SLC9A3: variants seen among roughly 807,000 people sequenced by gnomAD.
SLC9A3 encodes sodium/hydrogen exchanger 3.
SLC9A3 carries 37 observed loss-of-function variants against 86.8 expected under a neutral mutation model. That is an observed-to-expected ratio of 0.43 (90% CI 0.33 to 0.56). SLC9A3 has a LOEUF of 0.56. SLC9A3 is among the 20% of genes least tolerant of loss of function. The probability of loss-of-function intolerance (pLI) is 0.06; values close to 1 mark genes in which losing one functional copy is unlikely to be tolerated. For synonymous variants in SLC9A3, 581 were observed against 528.3 expected (o/e 1.10, Z -1.37); for missense variants, 1,011 against 1,171.9 (o/e 0.86, Z 2.00).
intron 6 of SLC9A3, 67 bp from the exon 7 acceptor site, chr5:482,817 C>A (rs532967770): frequency 1.5e-6 from 2 of 1,300,910 alleles, no homozygotes; most frequent in Non-Finnish European, 1.1e-6. Flanking sequence ...CCAGCCCCTC[C>A]GGGACAGCGT....
chr5:521,407 G>A (rs1733882212), intron 1 of SLC9A3, among the ~76,000 whole-genome samples: 2 of 152,240 alleles, frequency 1.3e-5, no homozygotes, highest in African/African-American at 4.8e-5. Context: ...CAACATTGCT[G>A]TGGGTTTCAG....
rs562717903 is a variant in SLC9A3, at chr5:481,985, A to C, written c.1446+83T>G. ...CCCTCCGCCACCCCCCAAGCCCCAGACCAACGCAGCCTCCTCTCCCCTCTC... is the reference window on the plus strand; with the variant it reads ...CCCTCCGCCACCCCCCAAGCCCCAGCCCAACGCAGCCTCCTCTCCCCTCTC... On this transcript the variant is annotated intron_variant, in intron 8 of 16. Transcript: ENST00000264938. 4.6e-5 allele frequency: 11 copies of C among 236,670 alleles called. No individual in the cohort carries two copies. The African/African-American group carries it at 8.2e-4, about 18-fold the overall frequency. 14.7% of individuals were successfully genotyped at this position (236,670 alleles called of 1,614,324 possible).
chr5:499,962 G>A (rs1269811244), intron 1 of SLC9A3, among the ~76,000 whole-genome samples: 5 of 152,346 alleles, frequency 3.3e-5, no homozygotes, highest in South Asian at 4.1e-4. Flanking sequence ...GGGCCCCGTC[G>A]GAGCCACCAC....
chr5:491,328 C>T lies in SLC9A3; in HGVS notation c.514+441G>A, dbSNP rs962758713. ...GAGATGAAGCATCCAAGACCAAAAC[C>T]GCGCAGCAGTTCTGGCTCCGGCTGT... is the stretch of plus-strand genomic sequence containing the variant. On this transcript the variant is annotated intron_variant, in intron 2 of 16. Coordinates refer to ENST00000264938, the MANE Select transcript of SLC9A3 (RefSeq NM_004174.4). The surrounding 1 kb of genome is among the most constrained non-coding windows in gnomAD (Gnocchi z 9.2). Among the ~76,000 whole-genome samples the T allele has an allele frequency of 8.5e-5, 13 of 152,184 alleles. No homozygotes were observed. The highest frequency in any genetic ancestry group is 2.2e-4 in the African/African-American group (9 of 41,446).
chr5:519,879 T>C (rs898203627), intron 1 of SLC9A3, among the ~76,000 whole-genome samples: 1 of 152,066 alleles, frequency 6.6e-6, no homozygotes, highest in African/African-American at 2.4e-5. Context: ...CTCCTGACCC[T>C]GTGCCCTAGC....
At chr5:519,948 C>T (rs1343863660) in intron 1 of SLC9A3, among the ~76,000 whole-genome samples, 9 of 152,216 alleles carry the variant, frequency 5.9e-5, no homozygotes, top group Non-Finnish European at 1.3e-4. Flanking sequence ...ACCCGTCTCG[C>T]TCCTGCCTGC....
chr5:515,185 A>G (rs551172241), intron 1 of SLC9A3, among the ~76,000 whole-genome samples: 1 of 151,984 alleles, frequency 6.6e-6, no homozygotes, highest in East Asian at 1.9e-4. Context: ...CCATGCCATC[A>G]GCCTGGAGTC....
At chr5:484,450 G>C in intron 5 of SLC9A3, 70 bp downstream of exon 5, 1 of 1,483,184 alleles carries the variant, frequency 6.7e-7, no homozygotes, top group Admixed American at 1.8e-5. Context: ...TCGCCCTGCC[G>C]GACCCAGGAG....
chr5:500,924 G>GGGGTGGACGA (rs1740251405), intron 1 of SLC9A3, among the ~76,000 whole-genome samples: 1 of 151,906 alleles, frequency 6.6e-6, no homozygotes, highest in Non-Finnish European at 1.5e-5. Context: ...GTGTGGACAC[G>GGGGTGGACGA]GGCCGGTGTG....
chr5:480,109 C>G, intron 9 of SLC9A3, 144 bp from the exon 10 acceptor site: 1 of 848,354 alleles, frequency 1.2e-6, no homozygotes, highest in Non-Finnish European at 1.8e-6. Context: ...GCAGCCCCTG[C>G]CACACGCCCA....
Position 473,070 on chromosome 5 carries a change from T to C in SLC9A3, c.*309A>G, listed in dbSNP as rs1388121946. 3 of 278,678 alleles carry C rather than the reference T, an allele frequency of 1.1e-5. No individual in the cohort carries two copies. The highest frequency in any genetic ancestry group is 7.2e-5 in the African/African-American group (3 of 41,876). The allele number at this position is 278,678 out of a possible 1,614,324, so 17.3% of individuals were successfully genotyped here. On this transcript the variant is annotated 3_prime_UTR_variant, in exon 17 of 17. Transcript: ENST00000264938. Reference sequence around the variant, plus strand: ...GGGGCGGCGGCGCGCGCGAGGCCGCTGGAACGAGCGCCGGCTGTGCACGCG... The same window carrying C: ...GGGGCGGCGGCGCGCGCGAGGCCGCCGGAACGAGCGCCGGCTGTGCACGCG...
intron 1 of SLC9A3, among the ~76,000 whole-genome samples, chr5:520,109 C>G (rs1023738738): frequency 1.3e-5 from 2 of 152,170 alleles, no homozygotes; most frequent in South Asian, 4.1e-4. Flanking sequence ...ACTGCCGCTG[C>G]TCAGGTCCTA....
intron 1 of SLC9A3, among the ~76,000 whole-genome samples, chr5:502,987 G>A (rs1261108401): frequency 7.2e-5 from 11 of 152,262 alleles, no homozygotes; most frequent in African/African-American, 2.2e-4. Flanking sequence ...CCGCTGTAAC[G>A]ACACAGATGG....
At chr5:483,866 C>T (rs2126620152) in intron 5 of SLC9A3, among the ~76,000 whole-genome samples, 1 of 152,410 alleles carries the variant, frequency 6.6e-6, no homozygotes, top group East Asian at 1.9e-4. Flanking sequence ...TGAATTCCCA[C>T]CCAGCCTGGG....
At position 497,681 on chromosome 5, in the gene SLC9A3, A is replaced by G; in HGVS notation, c.212-5610T>C. ...CAGCCCCCCTGAGCCGCTGACCCTG[A>G]CCCCTGGGAGTGAAGCCTCATCTGC... On this transcript the variant is annotated intron_variant, in intron 1 of 16. Coordinates refer to ENST00000264938, the MANE Select transcript of SLC9A3 (RefSeq NM_004174.4). This position sits in a 1 kb window ranked among gnomAD's most constrained non-coding sequence, Gnocchi z 5.4. Among the ~76,000 whole-genome samples the G allele has an allele frequency of 6.6e-6, 1 of 151,266 alleles. No individual in the cohort carries two copies. The highest frequency in any genetic ancestry group is 2.4e-5 in the African/African-American group (1 of 41,096).
At chr5:488,137 G>C (rs1365354114) in intron 3 of SLC9A3, among the ~76,000 whole-genome samples, 179 bp downstream of exon 3, 2 of 152,238 alleles carry the variant, frequency 1.3e-5, no homozygotes, top group Non-Finnish European at 2.9e-5. Context: ...AAGAAGCCTC[G>C]CGAAAGCTGC....
rs533871675 is a variant in SLC9A3, at chr5:494,013, G to C, written c.212-1942C>G. 1.6e-4 allele frequency among the ~76,000 whole-genome samples: 25 copies of C among 152,358 alleles called. No individual in the cohort carries two copies. The South Asian group carries it at 5.0e-3, about 30-fold the overall frequency. Reference sequence around the variant, plus strand: ...AGGCTGTCCCTGGGGAACACGGAGGGTGAGCTCCCTGGAGTCCTCGGGGCC... The same window carrying C: ...AGGCTGTCCCTGGGGAACACGGAGGCTGAGCTCCCTGGAGTCCTCGGGGCC... On this transcript the variant is annotated intron_variant, in intron 1 of 16. Transcript: ENST00000264938.
intron 9 of SLC9A3, 37 bp from the exon 10 acceptor site, chr5:480,002 CA>C (rs1247118749): frequency 2.6e-5 from 42 of 1,600,120 alleles, no homozygotes; most frequent in Non-Finnish European, 3.5e-5. Flanking sequence ...CCTCAGGTGA[CA>C]GGCGCCCTAG....
At chr5:475,522 AC>A in intron 15 of SLC9A3, 38 bp downstream of exon 15, 1 of 1,241,830 alleles carries the variant, frequency 8.1e-7, no homozygotes, top group Non-Finnish European at 1.2e-6. Flanking sequence ...GGCAGGAGCC[AC>A]CCCTCCCTTA....
Sources: gnomAD v4.1 joint callset for allele counts (sites outside exome capture counted in the v4.1 genomes callset) on GRCh38, gnomAD v4.1.1 for gene constraint, Gnocchi (gnomAD v3.1) non-coding constraint, MANE v1.5 for transcripts, NCBI Gene and HGNC (gene_info 2026-07-23, HGNC 2026-07-21) for gene names.